MORC1: variants seen among roughly 807,000 people sequenced by gnomAD.
MORC1 encodes the protein MORC family CW-type zinc finger 1.
MORC1 carries 59 observed loss-of-function variants against 134.9 expected under a neutral mutation model. That is an observed-to-expected ratio of 0.44 (90% CI 0.35 to 0.54). The LOEUF is 0.54. MORC1 is among the 20% of genes least tolerant of loss of function. The pLI is 0.00. For synonymous variants in MORC1, 395 were observed against 391.7 expected (o/e 1.01, Z -0.10); for missense variants, 947 against 1,134.5 (o/e 0.83, Z 2.37).
At chr3:109,033,974 C>A (rs1318862679) in intron 15 of MORC1, among the ~76,000 whole-genome samples, 1 of 152,136 alleles carries the variant, frequency 6.6e-6, no homozygotes, top group Non-Finnish European at 1.5e-5. Context: ...TGGTACAAAT[C>A]AAAATCACAG....
At chr3:109,039,196 G>A (rs183380929) in intron 14 of MORC1, among the ~76,000 whole-genome samples, 23 of 152,264 alleles carry the variant, frequency 1.5e-4, no homozygotes, top group Non-Finnish European at 2.2e-4. Context: ...GATTACAGGC[G>A]TGAGCCACCG....
At chr3:109,008,875 T>G (rs561788960) in intron 17 of MORC1, among the ~76,000 whole-genome samples, 1 of 152,192 alleles carries the variant, frequency 6.6e-6, no homozygotes, top group Non-Finnish European at 1.5e-5. Flanking sequence ...CTAAGAAGTA[T>G]GCTAAAATCA....
chr3:109,027,367 C>A (rs1949102618), intron 17 of MORC1, among the ~76,000 whole-genome samples: 1 of 152,128 alleles, frequency 6.6e-6, no homozygotes, highest in Admixed American at 6.5e-5. Flanking sequence ...TACCTTAAAA[C>A]CCTCCCTCAG....
chr3:108,993,145 T>C (rs1401376645), intron 21 of MORC1, among the ~76,000 whole-genome samples: 1 of 152,180 alleles, frequency 6.6e-6, no homozygotes, highest in African/African-American at 2.4e-5. Context: ...TTCCATAACA[T>C]AATACTACCT....
At chr3:109,078,480 A>T (rs1390050905) in intron 8 of MORC1, among the ~76,000 whole-genome samples, 1 of 152,036 alleles carries the variant, frequency 6.6e-6, no homozygotes, top group Non-Finnish European at 1.5e-5. Context: ...AAATAAAATT[A>T]TAAGCTATTT....
chr3:109,033,093 C>A (rs983259846), intron 15 of MORC1, among the ~76,000 whole-genome samples: 1 of 150,014 alleles, frequency 6.7e-6, no homozygotes, highest in Non-Finnish European at 1.5e-5. Flanking sequence ...TTAAATAATA[C>A]ATCCACTTCA....
chr3:109,110,740 T>C lies in MORC1; in HGVS notation c.154+9A>G, dbSNP rs746572414. On this transcript the variant is annotated intron_variant, in intron 3 of 27. Transcript: ENST00000232603. Reference sequence around the variant, plus strand: ...GAAGAAAATAAAAGAAGAAAGCAAATCTGCTCACCTGAAAAGACATCAAGT... The same window carrying C: ...GAAGAAAATAAAAGAAGAAAGCAAACCTGCTCACCTGAAAAGACATCAAGT... The C allele has an allele frequency of 6.3e-7, 1 of 1,580,522 alleles. No homozygotes were observed. The highest frequency in any genetic ancestry group is 1.2e-5 in the South Asian group (1 of 84,324).
intron 8 of MORC1, among the ~76,000 whole-genome samples, chr3:109,079,758 GA>G (rs1559940448): frequency 6.6e-6 from 1 of 151,948 alleles, no homozygotes; most frequent in Non-Finnish European, 1.5e-5. Context: ...AAAACTATTA[GA>G]ATAAAAGAGT....
intron 8 of MORC1, among the ~76,000 whole-genome samples, chr3:109,076,857 T>G (rs183415395): frequency 6.6e-6 from 1 of 151,902 alleles, no homozygotes; most frequent in East Asian, 1.9e-4. Context: ...GGGATAGCAT[T>G]AGGAGAAATA....
At chr3:109,009,214 T>G (rs1297292772) in intron 17 of MORC1, among the ~76,000 whole-genome samples, 4 of 148,230 alleles carry the variant, frequency 2.7e-5, no homozygotes, top group African/African-American at 9.9e-5. Context: ...GTTGTTTTTT[T>G]TTTTTTTTTT....
At chr3:109,011,223 A>G (rs1189895224) in intron 17 of MORC1, among the ~76,000 whole-genome samples, 1 of 152,198 alleles carries the variant, frequency 6.6e-6, no homozygotes, top group African/African-American at 2.4e-5. Flanking sequence ...TCAAAAAACA[A>G]AAACCAAAAC....
intron 8 of MORC1, among the ~76,000 whole-genome samples, chr3:109,077,601 A>C (rs939241084): frequency 1.3e-5 from 2 of 151,160 alleles, no homozygotes; most frequent in Admixed American, 1.3e-4. Flanking sequence ...ATTAGAATAG[A>C]AAAAAAATAA....
intron 13 of MORC1, among the ~76,000 whole-genome samples, chr3:109,055,754 G>A (rs1167976312): frequency 6.6e-6 from 1 of 152,148 alleles, no homozygotes; most frequent in Non-Finnish European, 1.5e-5. Flanking sequence ...GGTTCCCCCT[G>A]GCTTTGAAGT....
At position 108,979,839 on chromosome 3, in the gene MORC1, G is replaced by A. The variant is rs116024202; in HGVS notation, c.2325-172C>T. Among the ~76,000 whole-genome samples, 1,143 of 152,252 alleles carry A rather than the reference G, an allele frequency of 7.5e-3. 10 individuals are homozygous for A. The highest frequency in any genetic ancestry group is 0.026 in the African/African-American group (1,074 of 41,556). On this transcript the variant is annotated intron_variant, in intron 23 of 27. Transcript: ENST00000232603. ...ACATGAAACAAATTCTTAATTAGAA[G>A]AATTTATATTTATTCCAGTCACATA...
intron 8 of MORC1, among the ~76,000 whole-genome samples, chr3:109,075,956 T>G (rs926208327): frequency 6.6e-6 from 1 of 152,126 alleles, no homozygotes; most frequent in Non-Finnish European, 1.5e-5. Context: ...CCAAAAGCAA[T>G]GGCGACAAAA....
intron 24 of MORC1, among the ~76,000 whole-genome samples, chr3:108,974,342 T>C (rs962109981): frequency 1.3e-5 from 2 of 152,220 alleles, no homozygotes; most frequent in Non-Finnish European, 2.9e-5. Flanking sequence ...AGGGTCTGAT[T>C]GTAGATGCTT....
intron 16 of MORC1, 80 bp from the exon 17 acceptor site, chr3:109,027,969 A>G: frequency 7.0e-7 from 1 of 1,435,822 alleles, no homozygotes; most frequent in East Asian, 2.4e-5. Flanking sequence ...ATTTACTTCT[A>G]CAAGGAGTTA....
chr3:109,086,594 A>C, intron 8 of MORC1, among the ~76,000 whole-genome samples: 1 of 152,072 alleles, frequency 6.6e-6, no homozygotes, highest in East Asian at 1.9e-4. Flanking sequence ...ACCCAGTAAT[A>C]GTATTTCTGA....
chr3:109,005,430 T>G (rs1948516299), intron 18 of MORC1, 115 bp from the exon 19 acceptor site: 1 of 1,014,128 alleles, frequency 9.9e-7, no homozygotes, highest in Non-Finnish European at 1.3e-6. Context: ...CTAAAAAGTT[T>G]TTAAATCAGA....
Sources: gnomAD v4.1 joint callset for allele counts (sites outside exome capture counted in the v4.1 genomes callset) on GRCh38, gnomAD v4.1.1 for gene constraint, MANE v1.5 for transcripts, NCBI Gene and HGNC (gene_info 2026-07-23, HGNC 2026-07-21) for gene names.